Variants in ADGRE1 observed in about 807,000 individuals in gnomAD.
The protein encoded by ADGRE1 is EGF-like module receptor 1.
Under a neutral mutation model 102.7 loss-of-function variants are expected in ADGRE1, and 82 were observed. The ratio of observed to expected loss-of-function variants is 0.80; its 90% CI spans 0.67 to 0.96. The LOEUF (loss-of-function observed/expected upper bound fraction) is 0.96. ADGRE1 is among the 40% of genes least tolerant of loss of function. ADGRE1 has a pLI of 0.00. For missense variants in ADGRE1, 1,032 were observed against 1,085.3 expected, an observed-to-expected ratio of 0.95 and a Z score of 0.69; for synonymous variants, 398 against 399.6, an observed-to-expected ratio of 1.00 and a Z score of 0.05.
chr19:6,914,094 T>A (rs1168723864), intron 11 of ADGRE1, among the ~76,000 whole-genome samples: 1 of 152,264 alleles, frequency 6.6e-6, no homozygotes, highest in Non-Finnish European at 1.5e-5. Flanking sequence ...TGGGCTAAGG[T>A]ATGACAGTCA....
At chr19:6,893,130 T>A (rs1372339070) in intron 2 of ADGRE1, among the ~76,000 whole-genome samples, 4 of 152,218 alleles carry the variant, frequency 2.6e-5, no homozygotes, top group Non-Finnish European at 5.9e-5. Context: ...CTTAACATAA[T>A]GTCCTCCAGT....
chr19:6,929,427 T>C (rs984764252), intron 17 of ADGRE1, among the ~76,000 whole-genome samples: 5 of 152,142 alleles, frequency 3.3e-5, no homozygotes, highest in African/African-American at 1.2e-4. Flanking sequence ...CCTGATCTTT[T>C]ATTATGCAAA....
intron 6 of ADGRE1, 139 bp from the exon 7 acceptor site, chr19:6,903,671 T>C: frequency 9.2e-7 from 1 of 1,088,044 alleles, no homozygotes; most frequent in Non-Finnish European, 1.3e-6. Flanking sequence ...CTCACCTAGA[T>C]GCAGAGGGTT....
rs151167763 is a variant in ADGRE1 at position 6,901,773 on chromosome 19, C to T, written c.515-102C>T. 5.1e-5 allele frequency: 61 copies of T among 1,204,804 alleles called. No individual in the cohort carries two copies. The African/African-American group carries it at 8.4e-4, about 17-fold the overall frequency. The allele number at this position is 1,204,804 out of a possible 1,614,324, so 74.6% of individuals were successfully genotyped here. On this transcript the variant is annotated intron_variant, in intron 5 of 20. Coordinates refer to ENST00000312053, the MANE Select transcript of ADGRE1 (RefSeq NM_001974.5). ...ACATGGATATTGGGGAGCATCAGCC[C>T]TGTCTGCTGAAAATCAACACTCAGA...
At chr19:6,896,335 T>C in intron 2 of ADGRE1, 63 bp from the exon 3 acceptor site, 2 of 1,549,318 alleles carry the variant, frequency 1.3e-6, no homozygotes, top group Middle Eastern at 3.4e-4. Flanking sequence ...GTATGCTGGG[T>C]TCCCTTGCAG....
intron 14 of ADGRE1, among the ~76,000 whole-genome samples, chr19:6,923,406 C>T (rs1223812289): frequency 6.6e-6 from 1 of 152,206 alleles, no homozygotes; most frequent in Non-Finnish European, 1.5e-5. Flanking sequence ...AATCCTAAAA[C>T]AACTCTATAA....
chr19:6,937,412 G>A lies in ADGRE1; in HGVS notation c.2550+1G>A. ...CATCCACTGTCTGCTCAACGGCCAG[G>A]TGTGTAGCTGCTGCCCTCCCCATCC... On this transcript the variant is annotated splice_donor_variant, in intron 19 of 20. Coordinates refer to ENST00000312053, the MANE Select transcript of ADGRE1 (RefSeq NM_001974.5). LOFTEE classifies it high-confidence loss of function. The A allele has an allele frequency of 6.2e-7, 1 of 1,612,614 alleles. No individual in the cohort carries two copies. Among genetic ancestry groups the A allele is most frequent in the Non-Finnish European group, 8.5e-7 (1 of 1,179,620 alleles).
intron 5 of ADGRE1, among the ~76,000 whole-genome samples, chr19:6,901,270 C>G (rs1416957969): frequency 6.6e-6 from 1 of 152,184 alleles, no homozygotes; most frequent in Non-Finnish European, 1.5e-5. Context: ...GGGAATGGGT[C>G]TCACATGTCT....
intron 9 of ADGRE1, among the ~76,000 whole-genome samples, chr19:6,906,808 G>C (rs935800176): frequency 6.6e-6 from 1 of 152,090 alleles, no homozygotes; most frequent in African/African-American, 2.4e-5. Context: ...GGGAGAAGAG[G>C]AAGTGAAAAG....
At chr19:6,889,284 TGATGATGATGGTGATGATGAA>T (rs948487901) in intron 1 of ADGRE1, among the ~76,000 whole-genome samples, 48 of 152,032 alleles carry the variant, frequency 3.2e-4, no homozygotes, top group African/African-American at 1.1e-3. Context: ...ATAATAATGA[TGATGATGATGGTGATGATGAA>T]GATGATGATG....
At position 6,928,138 on chromosome 19, in the gene ADGRE1, T is replaced by G; in HGVS notation, c.2223-7T>G. On this transcript the variant is annotated splice_region_variant and splice_polypyrimidine_tract_variant and intron_variant, in intron 16 of 20. Transcript: ENST00000312053. Reference sequence around the variant, plus strand: ...CAAGCGCTGACTCCTCCTATTTCTCTCCACAGCTGCTGGCTGAATACAGAG... The same window carrying G: ...CAAGCGCTGACTCCTCCTATTTCTCGCCACAGCTGCTGGCTGAATACAGAG... The G allele has an allele frequency of 6.2e-7, 1 of 1,613,036 alleles. No individual in the cohort carries two copies. Among genetic ancestry groups the G allele is most frequent in the African/African-American group, 1.3e-5 (1 of 75,002 alleles).
At chr19:6,910,307 C>T (rs992052752) in intron 10 of ADGRE1, among the ~76,000 whole-genome samples, 8 of 151,936 alleles carry the variant, frequency 5.3e-5, no homozygotes, top group East Asian at 1.9e-4. Flanking sequence ...TCCCCCCTCC[C>T]GCTCCACCCA....
At chr19:6,928,367 T>G in intron 17 of ADGRE1, 156 bp downstream of exon 17, 1 of 1,490,258 alleles carries the variant, frequency 6.7e-7, no homozygotes, top group Non-Finnish European at 8.9e-7. Flanking sequence ...GGCTCACGCC[T>G]GTAATCCCAG....
At chr19:6,922,612 TCACACACA>T (rs770150909) in intron 14 of ADGRE1, among the ~76,000 whole-genome samples, 4,023 of 123,174 alleles carry the variant, frequency 0.033, 83 homozygotes, top group Middle Eastern at 0.089. Context: ...AGACTCTGTC[TCACACACA>T]CACACACACA....
chr19:6,914,324 A>G (rs1021826917), intron 11 of ADGRE1, among the ~76,000 whole-genome samples: 2 of 152,260 alleles, frequency 1.3e-5, no homozygotes, highest in South Asian at 4.1e-4. Context: ...GTCCCAGAAT[A>G]AAGACAATAT....
chr19:6,928,457 C>G, intron 17 of ADGRE1: 1 of 873,070 alleles, frequency 1.1e-6, no homozygotes, highest in South Asian at 1.9e-5. Flanking sequence ...GAAACCCCAT[C>G]TCTGCTAAAA....
intron 20 of ADGRE1, among the ~76,000 whole-genome samples, chr19:6,937,966 A>G (rs1975497099): frequency 6.6e-6 from 1 of 151,368 alleles, no homozygotes; most frequent in Non-Finnish European, 1.5e-5. Context: ...TTATGTTTAT[A>G]AAATACATTT....
chr19:6,909,194 T>C (rs1425584449), intron 10 of ADGRE1, among the ~76,000 whole-genome samples: 1 of 152,190 alleles, frequency 6.6e-6, no homozygotes, highest in African/African-American at 2.4e-5. Flanking sequence ...TGAATTAATA[T>C]TTAATTTTTT....
rs564608689 is a variant in ADGRE1, at chr19:6,907,905, T to C, written c.1039-784T>C. ...AATATTCCACATGGACCACTGTTAG[T>C]TCATACATTTCCTCTTCTTTTAATA... On this transcript the variant is annotated intron_variant, in intron 9 of 20. Coordinates refer to ENST00000312053, the MANE Select transcript of ADGRE1 (RefSeq NM_001974.5). 3.7e-4 allele frequency among the ~76,000 whole-genome samples: 57 copies of C among 152,324 alleles called. No individual in the cohort carries two copies. In the South Asian group the frequency reaches 0.011, roughly 30 times the overall value.
Sources: allele counts gnomAD v4.1 joint callset (sites outside exome capture counted in the v4.1 genomes callset), GRCh38; gene constraint gnomAD v4.1.1; transcripts MANE v1.5; gene names NCBI Gene and HGNC (gene_info 2026-07-23, HGNC 2026-07-21).